The following NKAIN3 variants were observed in gnomAD, a reference collection of about 807,000 sequenced individuals.
NKAIN3 encodes the protein sodium/potassium-transporting ATPase subunit beta-1-interacting protein 3.
NKAIN3 carries 25 observed loss-of-function variants against 30.2 expected under a neutral mutation model. That is an observed-to-expected ratio of 0.83 (90% CI 0.60 to 1.16). The LOEUF (loss-of-function observed/expected upper bound fraction) is 1.16, where lower values mean the gene tolerates loss of function less well. Among genes scored for constraint, NKAIN3 ranks in the 50% most tolerant of loss-of-function variants. NKAIN3 has a pLI of 0.00. For missense variants in NKAIN3, 225 were observed against 254.1 expected (o/e 0.89, Z 0.78); for synonymous variants, 91 against 89.6 (o/e 1.02, Z -0.09).
At chr8:62,477,519 C>T (rs1157281018) in intron 1 of NKAIN3, among the ~76,000 whole-genome samples, 3 of 152,138 alleles carry the variant, frequency 2.0e-5, no homozygotes, top group African/African-American at 4.8e-5. Flanking sequence ...AAACTATTCC[C>T]TCACAGGATG....
chr8:62,921,368 G>A (rs1013900688), intron 5 of NKAIN3, among the ~76,000 whole-genome samples: 1 of 152,086 alleles, frequency 6.6e-6, no homozygotes, highest in African/African-American at 2.4e-5. Context: ...TTGTTCTTGG[G>A]CTGAAAACTG....
intron 1 of NKAIN3, among the ~76,000 whole-genome samples, chr8:62,373,242 C>T (rs879277338): frequency 6.6e-6 from 1 of 152,040 alleles, no homozygotes; most frequent in Non-Finnish European, 1.5e-5. Flanking sequence ...ACATTTCTTA[C>T]AATAAAAAAC....
intron 1 of NKAIN3, among the ~76,000 whole-genome samples, chr8:62,444,139 A>G (rs1421568477): frequency 6.6e-6 from 1 of 151,818 alleles, no homozygotes; most frequent in Non-Finnish European, 1.5e-5. Context: ...TATTTTTGGG[A>G]TACAAGTGAT....
intron 4 of NKAIN3, among the ~76,000 whole-genome samples, chr8:62,804,239 G>C (rs1049546060): frequency 5.3e-5 from 8 of 152,160 alleles, no homozygotes; most frequent in Non-Finnish European, 5.9e-5. Flanking sequence ...TAGGAAAAGA[G>C]GGAATCCTCC....
At chr8:62,519,958 G>A (rs1242407718) in intron 1 of NKAIN3, among the ~76,000 whole-genome samples, 4 of 152,098 alleles carry the variant, frequency 2.6e-5, no homozygotes. Flanking sequence ...TGATGGACTC[G>A]CAAAATTCCT....
chr8:62,787,904 C>T (rs1488728334), intron 4 of NKAIN3, among the ~76,000 whole-genome samples: 1 of 152,078 alleles, frequency 6.6e-6, no homozygotes, highest in Non-Finnish European at 1.5e-5. Flanking sequence ...GTATATGTGC[C>T]ACATTTTCTT....
At chr8:62,258,982 G>A (rs899758879) in intron 1 of NKAIN3, among the ~76,000 whole-genome samples, 1 of 152,166 alleles carries the variant, frequency 6.6e-6, no homozygotes, top group African/African-American at 2.4e-5. Context: ...ACTGCACAAA[G>A]GTGTTCATGT....
At chr8:62,260,804 A>G (rs1248445634) in intron 1 of NKAIN3, among the ~76,000 whole-genome samples, 1 of 152,158 alleles carries the variant, frequency 6.6e-6, no homozygotes, top group Non-Finnish European at 1.5e-5. Flanking sequence ...AAACAAAAGT[A>G]TACATATTTA....
intron 4 of NKAIN3, among the ~76,000 whole-genome samples, chr8:62,859,507 C>CCAAAAAAAAAAAAAAAAAAAAAAA (rs1563597734): frequency 1.0e-4 from 1 of 9,934 alleles, no homozygotes. Context: ...CTTACTTCAA[C>CCAAAAAAAAAAAAAAAAAAAAAAA]TAAAAAAAAA....
intron 1 of NKAIN3, among the ~76,000 whole-genome samples, chr8:62,390,311 C>T (rs892244200): frequency 3.3e-5 from 5 of 152,088 alleles, no homozygotes; most frequent in African/African-American, 1.2e-4. Context: ...GCTTTTTGTT[C>T]CTGCATTAAT....
chr8:62,396,539 A>G (rs1410923933), intron 1 of NKAIN3, among the ~76,000 whole-genome samples: 1 of 152,200 alleles, frequency 6.6e-6, no homozygotes, highest in Non-Finnish European at 1.5e-5. Flanking sequence ...TAAGATACCA[A>G]TGTGTTTATC....
Position 62,729,246 on chromosome 8 carries a change from G to C in NKAIN3, c.274-17686G>C, listed in dbSNP as rs377441109. Among the ~76,000 whole-genome samples, 5 of 152,140 alleles carry C rather than the reference G, an allele frequency of 3.3e-5. No individual in the cohort carries two copies. In the East Asian group the frequency reaches 9.7e-4, roughly 29 times the overall value. ...GACTCCTCAACAAGGAAGATATGTA[G>C]ATGGAAAAAAGCACATGATAATATG... is the stretch of plus-strand genomic sequence containing the variant. On this transcript the variant is annotated intron_variant, in intron 3 of 6. Transcript: ENST00000623646.
chr8:62,732,175 A>C (rs535401065), intron 3 of NKAIN3, among the ~76,000 whole-genome samples: 13 of 152,160 alleles, frequency 8.5e-5, no homozygotes, highest in South Asian at 2.1e-4. Flanking sequence ...AGGAAAACTA[A>C]GAAAACTCTT....
chr8:62,858,306 G>A (rs1374746404), intron 4 of NKAIN3, among the ~76,000 whole-genome samples: 1 of 152,134 alleles, frequency 6.6e-6, no homozygotes, highest in African/African-American at 2.4e-5. Context: ...GACTTTGTTT[G>A]GGAGGTCTCA....
intron 3 of NKAIN3, among the ~76,000 whole-genome samples, chr8:62,645,856 C>G (rs1163221719): frequency 6.6e-6 from 1 of 152,072 alleles, no homozygotes; most frequent in Admixed American, 6.6e-5. Context: ...TTAAGAAATT[C>G]AAATTTTCAA....
intron 4 of NKAIN3, among the ~76,000 whole-genome samples, chr8:62,845,418 C>T (rs1819659810): frequency 6.6e-6 from 1 of 150,928 alleles, no homozygotes; most frequent in African/African-American, 2.4e-5. Flanking sequence ...AGACTAGGGA[C>T]TTCTTTAGCT....
intron 1 of NKAIN3, among the ~76,000 whole-genome samples, chr8:62,276,206 C>T (rs770363060): frequency 2.6e-5 from 4 of 152,112 alleles, no homozygotes; most frequent in Admixed American, 6.6e-5. Context: ...GCTGGAATTA[C>T]AGGCCTGTGT....
chr8:62,987,448 G>A (rs1824225482), downstream of NKAIN3, among the ~76,000 whole-genome samples: 1 of 152,094 alleles, frequency 6.6e-6, no homozygotes, highest in Non-Finnish European at 1.5e-5. Context: ...AAAATAAGAG[G>A]TTTAATGGAC....
intron 1 of NKAIN3, among the ~76,000 whole-genome samples, chr8:62,395,536 A>T (rs1423861914): frequency 1.3e-5 from 2 of 152,232 alleles, no homozygotes; most frequent in African/African-American, 4.8e-5. Flanking sequence ...TAAGCAAGAG[A>T]CTTTTCTTTA....
Sources: allele counts gnomAD v4.1 joint callset (sites outside exome capture counted in the v4.1 genomes callset), GRCh38; gene constraint gnomAD v4.1.1; transcripts MANE v1.5; gene names NCBI Gene and HGNC (gene_info 2026-07-23, HGNC 2026-07-21).